ABCC6: variants seen among roughly 807,000 people sequenced by gnomAD.
ABCC6 encodes the protein ATP-binding cassette sub-family C member 6.
ABCC6 carries 126 observed loss-of-function variants against 169.5 expected under a neutral mutation model. The ratio of observed to expected loss-of-function variants is 0.74; its 90% CI spans 0.64 to 0.86. ABCC6 has a LOEUF of 0.86. Among genes scored for constraint, ABCC6 ranks in the 40% least tolerant of loss-of-function variants. The pLI, the probability that ABCC6 is intolerant of heterozygous loss-of-function variation, is 0.00. For missense variants in ABCC6, 1,733 were observed against 1,927.2 expected (o/e 0.90, Z 1.89); for synonymous variants, 752 against 814.7 (o/e 0.92, Z 1.31).
chr16:16,188,240 A>AC (rs1484970219), intron 13 of ABCC6, among the ~76,000 whole-genome samples: 1 of 151,252 alleles, frequency 6.6e-6, no homozygotes, highest in Non-Finnish European at 1.5e-5. Context: ...AAAAAAAAAA[A>AC]AATTAGCTGG....
Position 16,182,435 on chromosome 16 carries a change from T to C in ABCC6, c.2224A>G (p.Ile742Val), listed in dbSNP as rs59593133. 27,428 of 1,613,908 alleles carry C rather than the reference T, an allele frequency of 0.017. 419 individuals are homozygous for C. Among genetic ancestry groups the C allele is most frequent in the African/African-American group, 0.055 (4,147 of 75,000 alleles). ...QPDVDSFPEG[I>V]HTSIGEQGMN... ...ACCTGCTCCCCAATTGAAGTGTGGA[T>C]TCCCTCAGGGAAGCTGTCCACATCT... The change falls in exon 17 of 31, where the codon ATC becomes GTC. Residue 742 changes from isoleucine to valine, a missense_variant. By Grantham distance (29) the Ile-to-Val change is conservative. This residue lies in a region of ABCC6 where 1,601 missense variants were observed against 1,635.5 expected (regional missense o/e 0.98). Coordinates refer to ENST00000205557, the MANE Select transcript of ABCC6 (RefSeq NM_001171.6).
chr16:16,190,233 C>T lies in ABCC6; in HGVS notation c.1566G>A (p.Leu522=). The stretch of plus-strand genomic sequence containing the variant: ...GGAGGCCGGAGGTCCGCAAGGCGCC[C>T]AGCTCCTGGCCTCGGATGCCCAGGA... The part of the protein sequence containing the change: ...DRVLGIRGQE[L]GALRTSGLLF... Residue 522 remains leucine, a synonymous_variant, in exon 12 of 31, where the codon CTG becomes CTA. Transcript: ENST00000205557. The T allele has an allele frequency of 6.2e-7, 1 of 1,614,114 alleles. No individual in the cohort carries two copies. Among genetic ancestry groups the T allele is most frequent in the Non-Finnish European group, 8.5e-7 (1 of 1,180,026 alleles).
intron 30 of ABCC6, 131 bp from the exon 31 acceptor site, chr16:16,150,372 T>A (rs1370185723): frequency 7.8e-6 from 12 of 1,538,056 alleles, no homozygotes; most frequent in Admixed American, 2.0e-5. Flanking sequence ...TCCCTGGCCC[T>A]CACAGCTGGG....
In ABCC6 at chr16:16,175,869, T is replaced by G. The variant is rs1025217548; in HGVS notation, c.2666+42A>C. 3.7e-6 allele frequency: 6 copies of G among 1,611,624 alleles called. No individual in the cohort carries two copies. The African/African-American group carries it at 8.0e-5, about 22-fold the overall frequency. On this transcript the variant is annotated intron_variant, in intron 20 of 30. Transcript: ENST00000205557. ...GGTGGTCCCTTCAGCTACTTCAGCT[T>G]CAGCCTGTGCCCTTCTGAGTGTGGC... is the stretch of plus-strand genomic sequence containing the variant.
chr16:16,190,498 C>T, intron 11 of ABCC6, 131 bp from the exon 12 acceptor site: 1 of 944,482 alleles, frequency 1.1e-6, no homozygotes, highest in Non-Finnish European at 1.6e-6. Context: ...TGCCTCTCAG[C>T]ACCTCTGACC....
intron 6 of ABCC6, among the ~76,000 whole-genome samples, chr16:16,210,967 C>T (rs557724116): frequency 6.6e-6 from 1 of 152,084 alleles, no homozygotes; most frequent in East Asian, 1.9e-4. Flanking sequence ...TGATGGCAGG[C>T]GCCTGTAATC....
In ABCC6 at chr16:16,190,199, CAGAGA is replaced by C. The variant is rs1567513139; in HGVS notation, c.1595_1599del (p.Phe532CysfsTer66). ...GACACTTGGAAGGACACCAGCGACA[CAGAGA>C]AGAGGAGGCCGGAGGTCCGCAAGGC... On this transcript the variant is annotated frameshift_variant, in exon 12 of 31. Transcript: ENST00000205557. LOFTEE classifies it high-confidence loss of function. 3 of 1,614,060 alleles carry C rather than the reference CAGAGA, an allele frequency of 1.9e-6. No homozygotes were observed. Among genetic ancestry groups the C allele is most frequent in the African/African-American group, 2.7e-5 (2 of 75,020 alleles).
intron 14 of ABCC6, among the ~76,000 whole-genome samples, chr16:16,185,970 G>A (rs767946987): frequency 2.0e-5 from 3 of 152,180 alleles, no homozygotes; most frequent in Non-Finnish European, 4.4e-5. Context: ...CTGCTATAAC[G>A]ATTAACATGC....
At position 16,211,316 on chromosome 16, in the gene ABCC6, G is replaced by A. The variant is rs144924232; in HGVS notation, c.662+869C>T. On this transcript the variant is annotated intron_variant, in intron 6 of 30. Transcript: ENST00000205557. ...CTCGGGAGGCTGAGGCAGGAGAATC[G>A]CTTGAACCCAGGAGGCGGAGGTTGC... 5.3e-3 allele frequency among the ~76,000 whole-genome samples: 803 copies of A among 152,066 alleles called. 3 individuals carry two copies. Among genetic ancestry groups the A allele is most frequent in the Non-Finnish European group, 8.6e-3 (587 of 67,980 alleles).
At chr16:16,217,860 C>T (rs879998904) in intron 4 of ABCC6, among the ~76,000 whole-genome samples, 85 of 152,346 alleles carry the variant, frequency 5.6e-4, no homozygotes, top group African/African-American at 1.8e-3. Flanking sequence ...GAGGCCGAGG[C>T]GGGTGAGTCA....
chr16:16,159,586 G>A lies in ABCC6; in HGVS notation c.3634-3C>T. 1 of 1,614,034 alleles carries A rather than the reference G, an allele frequency of 6.2e-7. No homozygotes were observed. The highest frequency in any genetic ancestry group is 8.5e-7 in the Non-Finnish European group (1 of 1,179,906). The stretch of plus-strand genomic sequence containing the variant: ...ACCCACTGCAGTGTCTGGGTCACCT[G>A]GTGCAAGAAAGCCTCTCTGGCTGGG... On this transcript the variant is annotated splice_polypyrimidine_tract_variant and splice_region_variant and intron_variant, in intron 25 of 30. Coordinates refer to ENST00000205557, the MANE Select transcript of ABCC6 (RefSeq NM_001171.6).
At chr16:16,202,848 C>T (rs1273591872) in intron 8 of ABCC6, among the ~76,000 whole-genome samples, 2 of 152,194 alleles carry the variant, frequency 1.3e-5, no homozygotes, top group Admixed American at 6.5e-5. Flanking sequence ...GCTACAAAAC[C>T]GGCTTTGGCC....
At chr16:16,192,721 G>A (rs2047903239) in intron 11 of ABCC6, 109 bp downstream of exon 11, 2 of 1,032,338 alleles carry the variant, frequency 1.9e-6, no homozygotes, top group African/African-American at 1.6e-5. Context: ...CAAGAACAAA[G>A]CCAGACCCGT....
chr16:16,151,865 C>T (rs1257475642), intron 29 of ABCC6, among the ~76,000 whole-genome samples: 2 of 151,998 alleles, frequency 1.3e-5, no homozygotes, highest in African/African-American at 2.4e-5. Flanking sequence ...CTAATGGATC[C>T]GTCCTCGCTG....
intron 20 of ABCC6, among the ~76,000 whole-genome samples, chr16:16,175,303 C>T (rs1331050026): frequency 6.6e-6 from 1 of 152,182 alleles, no homozygotes; most frequent in Non-Finnish European, 1.5e-5. Context: ...CACTTAAGCT[C>T]AGGCCATCTG....
In ABCC6 at chr16:16,210,659, G is replaced by T. The variant is rs184196249; in HGVS notation, c.662+1526C>A. 5.3e-3 allele frequency among the ~76,000 whole-genome samples: 805 copies of T among 152,210 alleles called. 3 individuals are homozygous for T. The highest frequency in any genetic ancestry group is 8.7e-3 in the Non-Finnish European group (595 of 68,002). On this transcript the variant is annotated intron_variant, in intron 6 of 30. Transcript: ENST00000205557. ...CTCAATTTAGTTTTTGCCCCAGTAG[G>T]ACAAAAAAGCATCAAGAGTGGTCCA...
intron 11 of ABCC6, among the ~76,000 whole-genome samples, chr16:16,192,611 C>G (rs975760266): frequency 1.3e-5 from 2 of 152,052 alleles, no homozygotes; most frequent in Non-Finnish European, 2.9e-5. Context: ...TTGAACTGAC[C>G]CAGGGCCTGT....
Position 16,221,786 on chromosome 16 carries a change from T to C in ABCC6, c.82A>G (p.Ser28Gly), listed in dbSNP as rs2141227184. ...EPEPAATSLL[S>G]LCFLRTAGVW... is the part of the protein sequence containing the mutation. ...CCTGCTGTTCTCAGGAAGCACAGGC[T>C]CAGCAGGCTGGTGGCGGCAGGTTCA... is the stretch of plus-strand genomic sequence containing the variant. Residue 28 changes from serine (S) to glycine (G), a missense_variant, in exon 2 of 31, where the codon AGC (serine) becomes GGC (glycine). Physicochemically the swap from Ser to Gly is moderately conservative, Grantham distance 56 (BLOSUM62 0). Coordinates refer to ENST00000205557, the MANE Select transcript of ABCC6 (RefSeq NM_001171.6). 6.2e-7 allele frequency: 1 copy of C among 1,613,648 alleles called. No homozygotes were observed. Among genetic ancestry groups the C allele is most frequent in the East Asian group, 2.2e-5 (1 of 44,864 alleles).
chr16:16,202,979 C>G (rs2048291742), intron 8 of ABCC6, among the ~76,000 whole-genome samples: 1 of 152,158 alleles, frequency 6.6e-6, no homozygotes, highest in African/African-American at 2.4e-5. Context: ...TCTGAGCTAG[C>G]CTTTTGGAGG....
Sources: allele counts gnomAD v4.1 joint callset (sites outside exome capture counted in the v4.1 genomes callset), GRCh38; gene constraint gnomAD v4.1.1; regional missense constraint gnomAD v4.1.1; transcripts MANE v1.5; gene names NCBI Gene and HGNC (gene_info 2026-07-23, HGNC 2026-07-21).